Variants in FER observed in about 807,000 individuals in gnomAD.
FER encodes tyrosine-protein kinase Fer.
In FER, 63 loss-of-function variants were observed where a neutral mutation model predicts 111.0. The ratio of observed to expected loss-of-function variants is 0.57; its 90% confidence interval spans 0.46 to 0.70. The LOEUF (loss-of-function observed/expected upper bound fraction) is 0.70. FER is among the 30% of genes least tolerant of loss of function. The pLI is 0.00. For missense variants in FER, 914 were observed against 954.0 expected (o/e 0.96, Z 0.55); for synonymous variants, 327 against 313.9 (o/e 1.04, Z -0.44).
At chr5:108,800,584 C>G (rs1217467754) in intron 3 of FER, among the ~76,000 whole-genome samples, 1 of 152,128 alleles carries the variant, frequency 6.6e-6, no homozygotes, top group Non-Finnish European at 1.5e-5. Flanking sequence ...ACCTTCTGGG[C>G]TCAAGCAATC....
At chr5:108,793,525 G>GGGGT (rs1420510508) in intron 2 of FER, among the ~76,000 whole-genome samples, 4 of 136,644 alleles carry the variant, frequency 2.9e-5, no homozygotes, top group African/African-American at 5.8e-5. Flanking sequence ...GGGGCGGGGG[G>GGGGT]GGTGGTTATA....
At chr5:108,842,879 A>G (rs1285443038) in intron 5 of FER, 1 of 152,246 alleles carries the variant, frequency 6.6e-6, no homozygotes, top group Admixed American at 6.5e-5. Flanking sequence ...CTACCATTTG[A>G]TCCAGCAATC....
chr5:109,175,849 C>T (rs533124545), intron 17 of FER, among the ~76,000 whole-genome samples: 2 of 152,248 alleles, frequency 1.3e-5, no homozygotes, highest in South Asian at 4.1e-4. Context: ...TGCGGTGGCT[C>T]ACACCTGCAA....
chr5:108,919,360 AT>A (rs1408956756), intron 10 of FER, among the ~76,000 whole-genome samples: 1 of 152,048 alleles, frequency 6.6e-6, no homozygotes, highest in Non-Finnish European at 1.5e-5. Flanking sequence ...AAATTTAGCT[AT>A]TGTATGAAAC....
intron 17 of FER, among the ~76,000 whole-genome samples, chr5:109,111,880 G>A (rs1029369834): frequency 2.6e-5 from 4 of 151,960 alleles, no homozygotes; most frequent in Non-Finnish European, 5.9e-5. Context: ...ATTAGGGTGG[G>A]GAAACATAGC....
At chr5:109,146,198 A>AATCAATCT (rs1554148242) in intron 17 of FER, among the ~76,000 whole-genome samples, 1 of 92,950 alleles carries the variant, frequency 1.1e-5, no homozygotes, top group Non-Finnish European at 2.3e-5. Context: ...ATATATATAT[A>AATCAATCT]ATCTATCTAT....
chr5:109,073,507 C>T lies in FER; in HGVS notation c.1924+26309C>T, dbSNP rs183318598. 2.0e-3 allele frequency among the ~76,000 whole-genome samples: 300 copies of T among 152,186 alleles called. 4 individuals are homozygous for T. The East Asian group carries it at 0.033, about 17-fold the overall frequency. On this transcript the variant is annotated intron_variant, in intron 16 of 19. Coordinates refer to ENST00000281092, the MANE Select transcript of FER (RefSeq NM_005246.4). ...CTAGCTAAGGGGCCGGTATCTGCAC[C>T]TTAGCATGTCTTTGTTTTGTGTGGT...
At position 108,803,691 on chromosome 5, in the gene FER, A is replaced by G. The variant is rs1391474899; in HGVS notation, c.207+5302A>G. 4.7e-5 allele frequency among the ~76,000 whole-genome samples: 7 copies of G among 150,278 alleles called. No individual in the cohort carries two copies. The East Asian group carries it at 5.8e-4, about 13-fold the overall frequency. On this transcript the variant is annotated intron_variant, in intron 3 of 19. Transcript: ENST00000281092. ...GTTTTCTAATCTGTTCCATTGGTCT[A>G]TGTGTCTTTTTTTGTACCACTACCA...
At chr5:109,082,275 G>A (rs1426002611) in intron 16 of FER, among the ~76,000 whole-genome samples, 8 of 151,972 alleles carry the variant, frequency 5.3e-5, no homozygotes, top group Non-Finnish European at 1.0e-4. Context: ...TGTGACCTGA[G>A]TGGCTGCACC....
intron 17 of FER, among the ~76,000 whole-genome samples, chr5:109,117,478 A>G (rs1341855983): frequency 1.3e-5 from 2 of 152,128 alleles, no homozygotes; most frequent in East Asian, 3.9e-4. Flanking sequence ...TCTGGAAATA[A>G]GATTTGTATG....
chr5:109,092,469 C>T (rs554081140), intron 16 of FER, among the ~76,000 whole-genome samples: 4 of 151,988 alleles, frequency 2.6e-5, no homozygotes, highest in Non-Finnish European at 5.9e-5. Context: ...TAGACATTTT[C>T]TCCAAGGAAG....
intron 13 of FER, among the ~76,000 whole-genome samples, chr5:109,032,863 T>C (rs1648238462): frequency 6.6e-6 from 1 of 152,192 alleles, no homozygotes; most frequent in African/African-American, 2.4e-5. Context: ...ACCGTAATCA[T>C]GATATATTAA....
Position 109,009,669 on chromosome 5 carries a change from A to T in FER, c.1657-27753A>T, listed in dbSNP as rs149113680. Among the ~76,000 whole-genome samples the T allele has an allele frequency of 3.7e-4, 57 of 152,316 alleles. No homozygotes were observed. In the East Asian group the frequency reaches 0.011, roughly 28 times the overall value. ...TGTTGCAGTTACTTATTCCTGTATA[A>T]GCCACCACCCAAAAATATAGTGTCT... is the stretch of plus-strand genomic sequence containing the variant. On this transcript the variant is annotated intron_variant, in intron 13 of 19. Coordinates refer to ENST00000281092, the MANE Select transcript of FER (RefSeq NM_005246.4).
intron 13 of FER, among the ~76,000 whole-genome samples, chr5:109,021,592 A>C (rs1285991471): frequency 2.6e-5 from 4 of 152,076 alleles, no homozygotes; most frequent in Non-Finnish European, 5.9e-5. Context: ...TTTAGTTTAT[A>C]ATGAAGGATT....
At chr5:109,003,020 G>A (rs1365468495) in intron 13 of FER, among the ~76,000 whole-genome samples, 1 of 152,172 alleles carries the variant, frequency 6.6e-6, no homozygotes, top group East Asian at 1.9e-4. Flanking sequence ...CTGTTGGTGG[G>A]ACTGTAAACT....
At chr5:108,944,839 A>G (rs1561657158) in intron 10 of FER, among the ~76,000 whole-genome samples, 1 of 117,942 alleles carries the variant, frequency 8.5e-6, no homozygotes, top group African/African-American at 3.2e-5. Flanking sequence ...TCTATAAAGA[A>G]CCTTCATATG....
chr5:109,174,291 G>A (rs1284040481), intron 17 of FER, among the ~76,000 whole-genome samples: 1 of 152,168 alleles, frequency 6.6e-6, no homozygotes, highest in African/African-American at 2.4e-5. Context: ...CTGTTCAAAG[G>A]AAATAAGGTA....
At chr5:108,922,192 A>T (rs1753115781) in intron 10 of FER, among the ~76,000 whole-genome samples, 1 of 152,170 alleles carries the variant, frequency 6.6e-6, no homozygotes, top group Non-Finnish European at 1.5e-5. Context: ...CTTGGCTAAC[A>T]CCTTGATTTC....
chr5:108,831,110 G>A (rs1261114504), intron 3 of FER, among the ~76,000 whole-genome samples: 1 of 152,152 alleles, frequency 6.6e-6, no homozygotes, highest in Non-Finnish European at 1.5e-5. Flanking sequence ...AGGGCAATCT[G>A]ACCCAATTGT....
Sources: allele counts gnomAD v4.1 joint callset (sites outside exome capture counted in the v4.1 genomes callset), GRCh38; gene constraint gnomAD v4.1.1; transcripts MANE v1.5; gene names NCBI Gene and HGNC (gene_info 2026-07-23, HGNC 2026-07-21).